Variants in PLCXD3 observed in about 807,000 individuals in gnomAD.
PLCXD3 encodes PI-PLC X domain-containing protein 3.
A neutral mutation model predicts 25.5 loss-of-function variants in PLCXD3; 19 were observed. The ratio of observed to expected loss-of-function variants is 0.75; its 90% CI spans 0.52 to 1.09. The LOEUF (loss-of-function observed/expected upper bound fraction) is 1.09, where lower values mean the gene tolerates loss of function less well. Among genes scored for constraint, PLCXD3 ranks in the 50% least tolerant of loss-of-function variants. The probability of loss-of-function intolerance (pLI) is 0.00; values close to 1 mark genes in which losing one functional copy is unlikely to be tolerated. For synonymous variants in PLCXD3, 174 were observed against 137.6 expected (o/e 1.26, Z -1.85); for missense variants, 411 against 388.1 (o/e 1.06, Z -0.50).
chr5:41,461,489 G>A (rs1747874140), intron 1 of PLCXD3, among the ~76,000 whole-genome samples: 1 of 151,944 alleles, frequency 6.6e-6, no homozygotes. Context: ...TCCATAAAGT[G>A]TGCTACAAAA....
chr5:41,464,141 A>G (rs1747956644), intron 1 of PLCXD3, among the ~76,000 whole-genome samples: 1 of 152,002 alleles, frequency 6.6e-6, no homozygotes, highest in Admixed American at 6.6e-5. Context: ...GTGTGATGGA[A>G]TCCCTCAGTC....
At chr5:41,369,334 C>T (rs1745026061) in intron 2 of PLCXD3, among the ~76,000 whole-genome samples, 1 of 152,152 alleles carries the variant, frequency 6.6e-6, no homozygotes, top group Non-Finnish European at 1.5e-5. Context: ...CTAAACTACA[C>T]ACTTGATCAA....
At chr5:41,356,010 A>C (rs1313976314) in intron 2 of PLCXD3, among the ~76,000 whole-genome samples, 1 of 152,140 alleles carries the variant, frequency 6.6e-6, no homozygotes, top group Non-Finnish European at 1.5e-5. Flanking sequence ...TCTAAAAAAA[A>C]CCCATGATCA....
intron 1 of PLCXD3, among the ~76,000 whole-genome samples, chr5:41,438,149 A>G (rs1389894235): frequency 1.3e-5 from 2 of 152,328 alleles, no homozygotes; most frequent in South Asian, 2.1e-4. Context: ...CTAAGTAGAG[A>G]AAAACTGCCA....
At chr5:41,333,208 T>C (rs915092747) in intron 2 of PLCXD3, among the ~76,000 whole-genome samples, 6 of 152,134 alleles carry the variant, frequency 3.9e-5, no homozygotes, top group Non-Finnish European at 7.4e-5. Context: ...GAAGGCTTCA[T>C]TGATCTGCAA....
At chr5:41,452,439 T>A (rs1221570427) in intron 1 of PLCXD3, among the ~76,000 whole-genome samples, 1 of 151,998 alleles carries the variant, frequency 6.6e-6, no homozygotes, top group Non-Finnish European at 1.5e-5. Context: ...GGGAAGCCCC[T>A]AAAATGAACA....
chr5:41,320,646 G>A (rs1743440623), intron 2 of PLCXD3, among the ~76,000 whole-genome samples: 1 of 152,094 alleles, frequency 6.6e-6, no homozygotes, highest in Non-Finnish European at 1.5e-5. Context: ...ACAGGCACCC[G>A]CCACCATGCC....
intron 2 of PLCXD3, among the ~76,000 whole-genome samples, chr5:41,348,698 T>G (rs745600308): frequency 3.3e-5 from 5 of 152,092 alleles, no homozygotes; most frequent in Non-Finnish European, 4.4e-5. Context: ...GGGCCAGGTG[T>G]GATATTGAAT....
intron 2 of PLCXD3, among the ~76,000 whole-genome samples, chr5:41,355,007 C>T (rs1744577797): frequency 6.6e-6 from 1 of 152,166 alleles, no homozygotes; most frequent in African/African-American, 2.4e-5. Flanking sequence ...TGTCTTACCT[C>T]CACAGAAAAC....
At chr5:41,457,135 A>T (rs1276103653) in intron 1 of PLCXD3, among the ~76,000 whole-genome samples, 1 of 151,886 alleles carries the variant, frequency 6.6e-6, no homozygotes, top group Non-Finnish European at 1.5e-5. Context: ...AATTCAAGCC[A>T]CTCTAAACCC....
chr5:41,489,567 G>T (rs1168179238), intron 1 of PLCXD3, among the ~76,000 whole-genome samples: 2 of 151,890 alleles, frequency 1.3e-5, no homozygotes, highest in African/African-American at 2.4e-5. Context: ...CATGAGCATG[G>T]AATGTTCTTC....
Position 41,311,058 on chromosome 5 carries a change from C to T in PLCXD3, c.*2559G>A, listed in dbSNP as rs1049803902. The T allele has an allele frequency of 6.6e-6, 1 of 152,048 alleles. No individual in the cohort carries two copies. The highest frequency in any genetic ancestry group is 1.5e-5 in the Non-Finnish European group (1 of 68,006). 9.4% of individuals were successfully genotyped at this position (152,048 alleles called of 1,614,324 possible). A position where few individuals can be genotyped will look rare whatever the true frequency, so the allele number is the denominator to read the frequency against. ...TCAAGAAAATACAACATAGTTACCT[C>T]TATATTTTATTCATGATATGATGAA... On this transcript the variant is annotated 3_prime_UTR_variant, in exon 3 of 3. Transcript: ENST00000377801.
chr5:41,359,438 T>A lies in PLCXD3; in HGVS notation c.812+22388A>T, dbSNP rs921339137. 1.2e-4 allele frequency among the ~76,000 whole-genome samples: 18 copies of A among 152,282 alleles called. No individual in the cohort carries two copies. In the South Asian group the frequency reaches 3.5e-3, roughly 30 times the overall value. ...GAGTTTCTATATCTTCCTGGTTTAATCTGGGAGGGTTGTATATTTCTGGGA... is the reference window on the plus strand; with the variant it reads ...GAGTTTCTATATCTTCCTGGTTTAAACTGGGAGGGTTGTATATTTCTGGGA... On this transcript the variant is annotated intron_variant, in intron 2 of 2. Coordinates refer to ENST00000377801, the MANE Select transcript of PLCXD3 (RefSeq NM_001005473.3).
intron 1 of PLCXD3, among the ~76,000 whole-genome samples, chr5:41,452,122 C>T (rs1433151459): frequency 1.3e-5 from 2 of 151,984 alleles, no homozygotes; most frequent in Non-Finnish European, 2.9e-5. Context: ...ATTCTGTCTC[C>T]CAAATTTGCT....
chr5:41,503,136 C>T (rs1430845905), intron 1 of PLCXD3, among the ~76,000 whole-genome samples: 1 of 152,118 alleles, frequency 6.6e-6, no homozygotes, highest in Non-Finnish European at 1.5e-5. Flanking sequence ...GAAGATAAGT[C>T]CTATCTGCCC....
At chr5:41,360,562 GT>G (rs1421736616) in intron 2 of PLCXD3, among the ~76,000 whole-genome samples, 1 of 152,162 alleles carries the variant, frequency 6.6e-6, no homozygotes, top group Non-Finnish European at 1.5e-5. Flanking sequence ...CCTTGATGTG[GT>G]GTTCTTCCTC....
At chr5:41,341,350 T>G (rs1340639086) in intron 2 of PLCXD3, among the ~76,000 whole-genome samples, 2 of 152,136 alleles carry the variant, frequency 1.3e-5, no homozygotes, top group Non-Finnish European at 2.9e-5. Context: ...CTAAATCACG[T>G]CTACAAATCG....
At chr5:41,458,433 A>T (rs1747803774) in intron 1 of PLCXD3, among the ~76,000 whole-genome samples, 1 of 151,948 alleles carries the variant, frequency 6.6e-6, no homozygotes, top group Non-Finnish European at 1.5e-5. Context: ...TGAATAGGAG[A>T]TATAAAAAGC....
chr5:41,394,812 C>G (rs1046269103), intron 1 of PLCXD3, among the ~76,000 whole-genome samples: 1 of 152,018 alleles, frequency 6.6e-6, no homozygotes, highest in African/African-American at 2.4e-5. Flanking sequence ...CAGTGGATAA[C>G]CTAGATATAA....
Sources: gnomAD v4.1 joint callset for allele counts (sites outside exome capture counted in the v4.1 genomes callset) on GRCh38, gnomAD v4.1.1 for gene constraint, MANE v1.5 for transcripts, NCBI Gene and HGNC (gene_info 2026-07-23, HGNC 2026-07-21) for gene names.